NRDC: variants seen among roughly 807,000 people sequenced by gnomAD.
NRDC encodes nardilysin convertase, also known as nardilysin.
In NRDC, 54 loss-of-function variants were observed where a neutral mutation model predicts 147.1. That is an observed-to-expected ratio of 0.37 (90% CI 0.29 to 0.46). NRDC has a LOEUF of 0.46. Ranked by LOEUF, NRDC falls within the 20% of genes least tolerant of loss-of-function variation. The pLI, the probability that NRDC is intolerant of heterozygous loss-of-function variation, is 1.00. For missense variants in NRDC, 1,082 were observed against 1,370.6 expected (o/e 0.79, Z 3.33); for synonymous variants, 440 against 482.1 (o/e 0.91, Z 1.14).
At chr1:51,816,045 T>C (rs1557908977) in intron 11 of NRDC, 1 of 189,612 alleles carries the variant, frequency 5.3e-6, no homozygotes, top group African/African-American at 2.3e-5. Flanking sequence ...TATGTAATTC[T>C]GGAATCTATT....
At chr1:51,837,600 CA>C in intron 2 of NRDC, 1 of 1,547,462 alleles carries the variant, frequency 6.5e-7, no homozygotes, top group Non-Finnish European at 8.8e-7. Context: ...TTGACCACAG[CA>C]AAAACAGGCT....
At chr1:51,853,224 A>C (rs7535118) in intron 1 of NRDC, among the ~76,000 whole-genome samples, 1 of 148,602 alleles carries the variant, frequency 6.7e-6, no homozygotes, top group Non-Finnish European at 1.5e-5. Context: ...TCCAAAAAAA[A>C]ATATATATAT....
At chr1:51,860,500 G>A (rs1345219924) in intron 1 of NRDC, among the ~76,000 whole-genome samples, 1 of 152,074 alleles carries the variant, frequency 6.6e-6, no homozygotes, top group Non-Finnish European at 1.5e-5. Flanking sequence ...TCTCTTACTC[G>A]ACTCTCCCAG....
At chr1:51,850,274 A>G (rs1239579169) in intron 1 of NRDC, among the ~76,000 whole-genome samples, 1 of 152,208 alleles carries the variant, frequency 6.6e-6, no homozygotes, top group Admixed American at 6.5e-5. Context: ...AGATCAATGA[A>G]AGCCAAGAGT....
chr1:51,805,672 T>A (rs1679431015), intron 18 of NRDC, 111 bp from the exon 19 acceptor site: 1 of 638,616 alleles, frequency 1.6e-6, no homozygotes, highest in Non-Finnish European at 2.7e-6. Flanking sequence ...AAACTACTAA[T>A]CCTTAAATCC....
chr1:51,870,618 T>C (rs999213551), intron 1 of NRDC, among the ~76,000 whole-genome samples: 9 of 152,154 alleles, frequency 5.9e-5, no homozygotes, highest in Non-Finnish European at 1.5e-5. Context: ...AAAGTCACCC[T>C]TTCAAGTTTT....
Position 51,878,501 on chromosome 1 carries a change from A to G in NRDC, c.115T>C (p.Ser39Pro), listed in dbSNP as rs778552393. 1 of 1,613,910 alleles carries G rather than the reference A, an allele frequency of 6.2e-7. No individual in the cohort carries two copies. Among genetic ancestry groups the G allele is most frequent in the Non-Finnish European group, 8.5e-7 (1 of 1,179,984 alleles). Residue 39 changes from serine to proline, a missense_variant, in exon 1 of 31, where the codon TCT becomes CCT. This residue lies in a region of NRDC where 260 missense variants were observed against 253.2 expected (regional missense o/e 1.03). Coordinates refer to ENST00000352171, the MANE Select transcript of NRDC (RefSeq NM_001101662.2). ...GIETRGRCED[S>P]AAARPFPILA... ...ATAGGAAAGGGTCTGGCAGCAGCAGAGTCTTCGCACCGACCCCGCGTTTCG... is the reference window on the plus strand; with the variant it reads ...ATAGGAAAGGGTCTGGCAGCAGCAGGGTCTTCGCACCGACCCCGCGTTTCG...
chr1:51,792,635 C>A (rs915358097), intron 24 of NRDC, among the ~76,000 whole-genome samples: 6 of 152,106 alleles, frequency 3.9e-5, no homozygotes, highest in African/African-American at 1.4e-4. Context: ...TTTGTACTCC[C>A]GGCACTAGCA....
At chr1:51,833,585 G>A (rs1680815028) in intron 4 of NRDC, among the ~76,000 whole-genome samples, 1 of 151,904 alleles carries the variant, frequency 6.6e-6, no homozygotes, top group Non-Finnish European at 1.5e-5. Context: ...GTATTTAACA[G>A]TTTAACAGCT....
At chr1:51,835,274 T>G (rs1680900036) in intron 3 of NRDC, among the ~76,000 whole-genome samples, 1 of 152,030 alleles carries the variant, frequency 6.6e-6, no homozygotes, top group African/African-American at 2.4e-5. Flanking sequence ...TTGGCCAGGC[T>G]GGTCTCGAAC....
At chr1:51,820,941 G>A (rs1009218983) in intron 8 of NRDC, among the ~76,000 whole-genome samples, 1 of 152,030 alleles carries the variant, frequency 6.6e-6, no homozygotes, top group Non-Finnish European at 1.5e-5. Context: ...TGATGAATTT[G>A]AGGTGGAGAA....
intron 1 of NRDC, among the ~76,000 whole-genome samples, chr1:51,865,109 T>C (rs1039770320): frequency 6.6e-6 from 1 of 151,994 alleles, no homozygotes; most frequent in Non-Finnish European, 1.5e-5. Context: ...GAGAATACAT[T>C]TGCAACTCAT....
intron 16 of NRDC, 49 bp from the exon 17 acceptor site, chr1:51,809,450 CA>C (rs749172400): frequency 1.8e-4 from 217 of 1,198,460 alleles, no homozygotes; most frequent in Non-Finnish European, 3.7e-5. Context: ...CAATGTTCAA[CA>C]TTCTCTTAAT....
intron 14 of NRDC, among the ~76,000 whole-genome samples, chr1:51,813,647 G>A (rs1345434635): frequency 6.6e-6 from 1 of 152,108 alleles, no homozygotes; most frequent in Non-Finnish European, 1.5e-5. Flanking sequence ...GAATTCCAAA[G>A]CACAATGTTT....
rs774661619 is a variant in NRDC, at chr1:51,812,087, A to C, written c.1686T>G (p.Val562=). ...EFHYQEQTDP[V]EYVENMCENM... is the part of the protein sequence containing the mutation. ...TCTCACACATGTTTTCCACATACTC[A>C]ACTGGATCTGTCTGTAAAGAGGTAA... is the stretch of plus-strand genomic sequence containing the variant. Residue 562 remains valine (V), a synonymous_variant, in exon 15 of 31, where the codon GTT becomes GTG. Transcript: ENST00000352171. 1.2e-6 allele frequency: 2 copies of C among 1,612,502 alleles called. No homozygotes were observed. The highest frequency in any genetic ancestry group is 2.2e-5 in the East Asian group (1 of 44,860).
intron 2 of NRDC, among the ~76,000 whole-genome samples, chr1:51,836,702 T>A (rs1680994378): frequency 6.6e-6 from 1 of 152,086 alleles, no homozygotes; most frequent in Non-Finnish European, 1.5e-5. Context: ...TAAGATAGAA[T>A]AAGATAACAT....
chr1:51,808,699 T>C (rs569910938), intron 17 of NRDC, among the ~76,000 whole-genome samples: 1 of 152,330 alleles, frequency 6.6e-6, no homozygotes, highest in Admixed American at 6.5e-5. Context: ...ATTACAGTTA[T>C]AAGCAACTCT....
intron 22 of NRDC, among the ~76,000 whole-genome samples, chr1:51,797,775 ATTT>A (rs1678998733): frequency 6.6e-6 from 1 of 151,686 alleles, no homozygotes; most frequent in South Asian, 2.1e-4. Context: ...CTCTTTCTTT[ATTT>A]CTTTTCTTTT....
intron 22 of NRDC, among the ~76,000 whole-genome samples, chr1:51,796,917 A>G (rs1478673728): frequency 6.8e-6 from 1 of 146,078 alleles, no homozygotes; most frequent in Non-Finnish European, 1.5e-5. Flanking sequence ...TGTGCAGTTC[A>G]GGGCCAGGCA....
Sources: allele counts gnomAD v4.1 joint callset (sites outside exome capture counted in the v4.1 genomes callset), GRCh38; gene constraint gnomAD v4.1.1; regional missense constraint gnomAD v4.1.1; transcripts MANE v1.5; gene names NCBI Gene and HGNC (gene_info 2026-07-23, HGNC 2026-07-21).